Variants in JAM2 observed in about 807,000 individuals in gnomAD.
JAM2 encodes the protein junctional adhesion molecule 2, also known as junctional adhesion molecule B.
In JAM2, 17 loss-of-function variants were observed where a neutral mutation model predicts 42.0. The ratio of observed to expected loss-of-function variants is 0.40; its 90% CI spans 0.28 to 0.61. The LOEUF (loss-of-function observed/expected upper bound fraction) is 0.61, where lower values mean the gene tolerates loss of function less well. Ranked by LOEUF, JAM2 falls within the 20% of genes least tolerant of loss-of-function variation. The pLI is 0.37. For missense variants in JAM2, 319 were observed against 358.3 expected, an observed-to-expected ratio of 0.89 and a Z score of 0.89; for synonymous variants, 118 against 128.6, an observed-to-expected ratio of 0.92 and a Z score of 0.56.
intron 8 of JAM2, chr21:25,711,298 TG>T (rs1230008937): frequency 1.1e-5 from 4 of 367,374 alleles, no homozygotes; most frequent in Non-Finnish European, 2.1e-5. Context: ...ACATGAAATA[TG>T]GGTGAGCTCC....
At position 25,698,762 on chromosome 21, in the gene JAM2, G is replaced by A. The variant is rs935081173; in HGVS notation, c.480G>A (p.Gly160=). 3 of 1,614,018 alleles carry A rather than the reference G, an allele frequency of 1.9e-6. No individual in the cohort carries two copies. The highest frequency in any genetic ancestry group is 1.3e-5 in the African/African-American group (1 of 74,904). Residue 160 remains glycine (G), a synonymous_variant, in exon 5 of 10, where the codon GGG becomes GGA. Coordinates refer to ENST00000480456, the MANE Select transcript of JAM2 (RefSeq NM_021219.4). ...VVELRCQDKE[G]NPAPEYTWFK... Reference sequence around the variant, plus strand: ...AGCTACGATGTCAAGACAAAGAAGGGAATCCAGCTCCTGAATACACATGGT... The same window carrying A: ...AGCTACGATGTCAAGACAAAGAAGGAAATCCAGCTCCTGAATACACATGGT...
intron 1 of JAM2, among the ~76,000 whole-genome samples, chr21:25,673,442 G>C (rs751801873): frequency 9.2e-5 from 14 of 152,072 alleles, no homozygotes; most frequent in Non-Finnish European, 1.6e-4. Context: ...AAGGGAGAGG[G>C]CATAAAACTT....
intron 1 of JAM2, among the ~76,000 whole-genome samples, chr21:25,661,518 A>G (rs576683303): frequency 6.6e-6 from 1 of 151,324 alleles, no homozygotes; most frequent in Admixed American, 6.6e-5. Flanking sequence ...CTTCTAGTGT[A>G]CTCACGTATA....
intron 4 of JAM2, among the ~76,000 whole-genome samples, chr21:25,696,928 C>T (rs1015326184): frequency 2.0e-5 from 3 of 151,904 alleles, no homozygotes; most frequent in African/African-American, 7.3e-5. Flanking sequence ...TCACGGCTTA[C>T]TACAACCTCA....
At chr21:25,671,005 A>G (rs2123347622) in intron 1 of JAM2, among the ~76,000 whole-genome samples, 1 of 152,344 alleles carries the variant, frequency 6.6e-6, no homozygotes, top group East Asian at 1.9e-4. Context: ...CTTGTATGTA[A>G]TGTAAGGGCC....
chr21:25,689,525 A>G (rs1389022173), intron 2 of JAM2, among the ~76,000 whole-genome samples: 1 of 152,200 alleles, frequency 6.6e-6, no homozygotes, highest in East Asian at 1.9e-4. Context: ...ATAGTTAATC[A>G]TAGCTGCCAT....
At chr21:25,709,595 A>C (rs1481071843) in intron 8 of JAM2, 146 bp downstream of exon 8, 6 of 513,330 alleles carry the variant, frequency 1.2e-5, no homozygotes, top group Non-Finnish European at 2.2e-5. Flanking sequence ...CAAGAAATAC[A>C]TCTGTATTAG....
chr21:25,673,370 T>G (rs1179279476), intron 1 of JAM2, among the ~76,000 whole-genome samples: 3 of 152,234 alleles, frequency 2.0e-5, no homozygotes, highest in African/African-American at 2.4e-5. Flanking sequence ...TGAAAATAAC[T>G]TTATCCTCAA....
At chr21:25,676,891 T>G (rs1417971857) in intron 1 of JAM2, among the ~76,000 whole-genome samples, 2 of 152,202 alleles carry the variant, frequency 1.3e-5, no homozygotes, top group Non-Finnish European at 2.9e-5. Context: ...ACTCTAAGAC[T>G]AGAAAGGCTA....
chr21:25,683,090 G>T (rs4817054), intron 1 of JAM2, among the ~76,000 whole-genome samples: 76,162 of 151,810 alleles, frequency 0.5, 19,465 homozygotes, highest in South Asian at 0.67. Context: ...TGTCCCCTTT[G>T]AGGGTCACGG....
intron 7 of JAM2, 77 bp from the exon 8 acceptor site, chr21:25,709,357 C>A: frequency 3.9e-6 from 3 of 768,986 alleles, no homozygotes; most frequent in Non-Finnish European, 6.3e-6. Context: ...TAAATTAAAC[C>A]CAAACTCATT....
At chr21:25,642,990 G>A (rs1480961020) in intron 1 of JAM2, among the ~76,000 whole-genome samples, 3 of 152,234 alleles carry the variant, frequency 2.0e-5, no homozygotes, top group Non-Finnish European at 1.5e-5. Flanking sequence ...CATGGCGGAA[G>A]AAGCAAGGCA....
At position 25,693,760 on chromosome 21, in the gene JAM2, T is replaced by C. The variant is rs745464125; in HGVS notation, c.246T>C (p.Asp82=). ...AATGTCTTCTTTTTCTAAAAGGTGA[T>C]TTTAAAAATCGAGCTGAGATGATAG... is the stretch of plus-strand genomic sequence containing the variant. ...FVYYQQTLQG[D]FKNRAEMIDF... Residue 82 remains aspartate, a synonymous_variant, in exon 4 of 10, where the codon GAT becomes GAC. Coordinates refer to ENST00000480456, the MANE Select transcript of JAM2 (RefSeq NM_021219.4). The C allele has an allele frequency of 5.0e-6, 8 of 1,613,266 alleles. No homozygotes were observed. Among genetic ancestry groups the C allele is most frequent in the African/African-American group, 1.3e-5 (1 of 74,918 alleles).
chr21:25,691,827 C>T (rs1298727038), intron 3 of JAM2, among the ~76,000 whole-genome samples: 2 of 151,986 alleles, frequency 1.3e-5, no homozygotes, highest in Non-Finnish European at 2.9e-5. Flanking sequence ...GCCAGGAGTT[C>T]GAGACCAGCC....
intron 1 of JAM2, among the ~76,000 whole-genome samples, chr21:25,682,258 C>T (rs1040167520): frequency 6.6e-6 from 1 of 152,142 alleles, no homozygotes; most frequent in Non-Finnish European, 1.5e-5. Flanking sequence ...TAAACGTGGT[C>T]ATTACACTGG....
intron 2 of JAM2, among the ~76,000 whole-genome samples, chr21:25,684,558 A>G (rs1467514807): frequency 6.6e-6 from 1 of 152,172 alleles, no homozygotes; most frequent in Non-Finnish European, 1.5e-5. Flanking sequence ...AGTAACCTAT[A>G]TATGGGCTTT....
At chr21:25,681,480 A>T (rs761074737) in intron 1 of JAM2, among the ~76,000 whole-genome samples, 1 of 152,164 alleles carries the variant, frequency 6.6e-6, no homozygotes, top group Non-Finnish European at 1.5e-5. Flanking sequence ...GTGAGAACTC[A>T]CTCACTGTCA....
At chr21:25,700,497 A>C (rs2034142851) in intron 5 of JAM2, among the ~76,000 whole-genome samples, 1 of 152,138 alleles carries the variant, frequency 6.6e-6, no homozygotes. Context: ...AGTAGCTGGG[A>C]CTACAGGCAC....
At chr21:25,670,036 G>C (rs1314592835) in intron 1 of JAM2, among the ~76,000 whole-genome samples, 7 of 152,132 alleles carry the variant, frequency 4.6e-5, no homozygotes, top group Non-Finnish European at 7.4e-5. Flanking sequence ...ACTTTTGGTA[G>C]ATTCTGTCAT....
Sources: allele counts gnomAD v4.1 joint callset (sites outside exome capture counted in the v4.1 genomes callset), GRCh38; gene constraint gnomAD v4.1.1; transcripts MANE v1.5; gene names NCBI Gene and HGNC (gene_info 2026-07-23, HGNC 2026-07-21).